GPNMB: variants seen among roughly 807,000 people sequenced by gnomAD.
GPNMB encodes the protein transmembrane glycoprotein NMB.
Under a neutral mutation model 57.3 loss-of-function variants are expected in GPNMB, and 71 were observed. The ratio of observed to expected loss-of-function variants is 1.24; its 90% CI spans 1.02 to 1.51. The LOEUF (loss-of-function observed/expected upper bound fraction) is 1.51. GPNMB is among the 40% of genes most tolerant of loss of function. The probability of loss-of-function intolerance (pLI) is 0.00; values close to 1 mark genes in which losing one functional copy is unlikely to be tolerated. For missense variants in GPNMB, 677 were observed against 691.9 expected (o/e 0.98, Z 0.24); for synonymous variants, 253 against 263.2 (o/e 0.96, Z 0.38).
intron 6 of GPNMB, 105 bp downstream of exon 6, chr7:23,260,878 C>G (rs1782906642): frequency 1.2e-5 from 10 of 835,906 alleles, no homozygotes; most frequent in Non-Finnish European, 1.7e-5. Flanking sequence ...TGTAAGGACT[C>G]TGCGGTGATT....
At chr7:23,273,417 A>G (rs1210732468) in intron 9 of GPNMB, 104 bp from the exon 10 acceptor site, 4 of 731,476 alleles carry the variant, frequency 5.5e-6, no homozygotes, top group African/African-American at 3.5e-5. Flanking sequence ...AGGGAGCCAT[A>G]TATCTTCTGT....
intron 7 of GPNMB, among the ~76,000 whole-genome samples, chr7:23,266,868 G>A (rs958692862): frequency 1.2e-4 from 18 of 152,220 alleles, no homozygotes; most frequent in Non-Finnish European, 2.6e-4. Flanking sequence ...CCTGCCCTGG[G>A]CCTGTATCCC....
At position 23,274,275 on chromosome 7, in the gene GPNMB, G is replaced by A. The variant is rs779790100; in HGVS notation, c.*51G>A. The A allele has an allele frequency of 5.2e-6, 7 of 1,341,448 alleles. No individual in the cohort carries two copies. Among genetic ancestry groups the A allele is most frequent in the Non-Finnish European group, 7.4e-6 (7 of 945,298 alleles). The allele number at this position is 1,341,448 out of a possible 1,614,324, so 83.1% of individuals were successfully genotyped here. A position where few individuals can be genotyped will look rare whatever the true frequency, so the allele number is the denominator to read the frequency against. Reference sequence around the variant, plus strand: ...CTTTTCAGTGCCATTGATGTGAGATGTGCTGGAGTGGCTATTAACCTTTTT... The same window carrying A: ...CTTTTCAGTGCCATTGATGTGAGATATGCTGGAGTGGCTATTAACCTTTTT... On this transcript the variant is annotated 3_prime_UTR_variant, in exon 11 of 11. Transcript: ENST00000258733.
At chr7:23,273,266 A>C (rs975863775) in intron 9 of GPNMB, 7 of 414,924 alleles carry the variant, frequency 1.7e-5, no homozygotes, top group African/African-American at 1.4e-4. Flanking sequence ...CCAAGACCTG[A>C]GCAGGTGTCT....
At chr7:23,262,915 C>T (rs954128228) in intron 6 of GPNMB, among the ~76,000 whole-genome samples, 1 of 151,952 alleles carries the variant, frequency 6.6e-6, no homozygotes, top group African/African-American at 2.4e-5. Flanking sequence ...GCACTGTGCC[C>T]GGCCCACCAT....
intron 1 of GPNMB, among the ~76,000 whole-genome samples, chr7:23,251,300 T>A (rs79160452): frequency 1.8e-3 from 279 of 152,258 alleles, no homozygotes; most frequent in African/African-American, 6.5e-3. Flanking sequence ...ACCCACTCAA[T>A]ACCACACCTC....
At chr7:23,262,890 G>A (rs1261310757) in intron 6 of GPNMB, among the ~76,000 whole-genome samples, 1 of 152,022 alleles carries the variant, frequency 6.6e-6, no homozygotes, top group East Asian at 1.9e-4. Context: ...AAAGTGCTGG[G>A]ATTATAAGCG....
intron 4 of GPNMB, among the ~76,000 whole-genome samples, chr7:23,258,910 C>T (rs1241002094): frequency 1.3e-5 from 2 of 152,228 alleles, no homozygotes; most frequent in Non-Finnish European, 2.9e-5. Flanking sequence ...AGCATGCAAC[C>T]TAAGATACCC....
rs1783287770 is a variant in GPNMB, at chr7:23,274,429, T to A, written c.*205T>A. The stretch of plus-strand genomic sequence containing the variant: ...AGCTTCAGCCATGTTGTGAAACTGA[T>A]AAAAGCAACTTAGCAAGGCTTCTTT... On this transcript the variant is annotated 3_prime_UTR_variant, in exon 11 of 11. Transcript: ENST00000258733. The A allele has an allele frequency of 4.3e-6, 2 of 469,192 alleles. No homozygotes were observed. The highest frequency in any genetic ancestry group is 7.1e-5 in the South Asian group (2 of 28,320). 29.1% of individuals were successfully genotyped at this position (469,192 alleles called of 1,614,324 possible). A position where few individuals can be genotyped will look rare whatever the true frequency, so the allele number is the denominator to read the frequency against.
intron 4 of GPNMB, among the ~76,000 whole-genome samples, chr7:23,259,721 G>A (rs928914601): frequency 3.9e-5 from 6 of 152,084 alleles, no homozygotes; most frequent in Admixed American, 2.6e-4. Context: ...TAAACTAAGG[G>A]CTAACTGTTT....
At chr7:23,259,046 G>T (rs993324601) in intron 4 of GPNMB, among the ~76,000 whole-genome samples, 5 of 152,182 alleles carry the variant, frequency 3.3e-5, no homozygotes, top group Non-Finnish European at 5.9e-5. Flanking sequence ...TGAAGGAGAG[G>T]AATTACTTCC....
Position 23,273,523 on chromosome 7 carries a change from C to A in GPNMB, c.1432C>A (p.Pro478Thr). The A allele has an allele frequency of 6.2e-7, 1 of 1,610,010 alleles. No individual in the cohort carries two copies. The highest frequency in any genetic ancestry group is 8.5e-7 in the Non-Finnish European group (1 of 1,176,388). Residue 478 changes from proline (P) to threonine (T), a missense_variant and splice_region_variant, in exon 10 of 11, where the codon CCA (proline) becomes ACA (threonine). Coordinates refer to ENST00000258733, the MANE Select transcript of GPNMB (RefSeq NM_002510.3). ...STLISVPDRD[P>T]ASPLRMANSA... is the part of the protein sequence containing the mutation. ...CATGCTCTTGCTTCTGTTTTAAGAC[C>A]CAGCCTCGCCTTTAAGGATGGCAAA... is the stretch of plus-strand genomic sequence containing the variant.
In GPNMB at chr7:23,274,130, G is replaced by C; in HGVS notation, c.1589G>C (p.Ser530Thr). The change falls in exon 11 of 11, where the codon AGT becomes ACT. Residue 530 changes from serine to threonine, a missense_variant. Transcript: ENST00000258733. ...PGNVVRSKGL[S>T]VFLNRAKAVF... ...AATGTGGTCAGAAGCAAAGGCCTGAGTGTCTTTCTCAACCGTGCAAAAGCC... is the reference window on the plus strand; with the variant it reads ...AATGTGGTCAGAAGCAAAGGCCTGACTGTCTTTCTCAACCGTGCAAAAGCC... 6.2e-7 allele frequency: 1 copy of C among 1,613,318 alleles called. No individual in the cohort carries two copies. The highest frequency in any genetic ancestry group is 8.5e-7 in the Non-Finnish European group (1 of 1,179,274).
chr7:23,259,701 C>T (rs1326717187), intron 4 of GPNMB, among the ~76,000 whole-genome samples: 1 of 152,152 alleles, frequency 6.6e-6, no homozygotes, highest in Non-Finnish European at 1.5e-5. Flanking sequence ...GCACAAACAG[C>T]ATTTATTTGT....
At chr7:23,270,639 C>T (rs1200612259) in intron 9 of GPNMB, among the ~76,000 whole-genome samples, 1 of 152,174 alleles carries the variant, frequency 6.6e-6, no homozygotes, top group East Asian at 1.9e-4. Context: ...TCCTTGGTCC[C>T]TTCTAACTTA....
rs143466208 is a variant in GPNMB, at chr7:23,271,812, C to CAA, written c.1429+1644_1429+1645dup. 2.0e-5 allele frequency among the ~76,000 whole-genome samples: 3 copies of CAA among 150,178 alleles called. No homozygotes were observed. The East Asian group carries it at 5.8e-4, about 29-fold the overall frequency. On this transcript the variant is annotated intron_variant, in intron 9 of 10. Transcript: ENST00000258733. ...CTCCATCTCAAACAAACAAACACAACAAAAAAAACTAAAAAAAAAATTTTC... is the reference window on the plus strand; with the variant it reads ...CTCCATCTCAAACAAACAAACACAACAAAAAAAAAACTAAAAAAAAAATTTTC...
chr7:23,273,456 G>T, intron 9 of GPNMB, 65 bp from the exon 10 acceptor site: 1 of 979,902 alleles, frequency 1.0e-6, no homozygotes, highest in Non-Finnish European at 1.6e-6. Flanking sequence ...TTATTTAATG[G>T]CATTATAAGC....
In GPNMB at chr7:23,269,941, G is replaced by A. The variant is rs147284492; in HGVS notation, c.1221-26G>A. On this transcript the variant is annotated intron_variant, in intron 8 of 10. Coordinates refer to ENST00000258733, the MANE Select transcript of GPNMB (RefSeq NM_002510.3). Reference sequence around the variant, plus strand: ...CTCTCCCCTTCTCTGTGCCCTGTGCGCCCTCGCCCACCTCCCCTGTCGCAG... The same window carrying A: ...CTCTCCCCTTCTCTGTGCCCTGTGCACCCTCGCCCACCTCCCCTGTCGCAG... 2,198 of 1,564,230 alleles carry A rather than the reference G, an allele frequency of 1.4e-3. 23 individuals are homozygous for A. In the East Asian group the frequency reaches 0.022, roughly 16 times the overall value.
rs140166326 is a variant in GPNMB, at chr7:23,255,079, C to T, written c.367+767C>T. On this transcript the variant is annotated intron_variant, in intron 3 of 10. Coordinates refer to ENST00000258733, the MANE Select transcript of GPNMB (RefSeq NM_002510.3). The stretch of plus-strand genomic sequence containing the variant: ...TGTCACCCAGGCTGGAGTGCAATGG[C>T]GCGATCTTGGTTCACTGCAGTCTTT... 8.2e-3 allele frequency among the ~76,000 whole-genome samples: 1,251 copies of T among 152,248 alleles called. 15 individuals carry two copies. Among genetic ancestry groups the T allele is most frequent in the African/African-American group, 0.029 (1,192 of 41,560 alleles).
Sources: gnomAD v4.1 joint callset for allele counts (sites outside exome capture counted in the v4.1 genomes callset) on GRCh38, gnomAD v4.1.1 for gene constraint, MANE v1.5 for transcripts, NCBI Gene and HGNC (gene_info 2026-07-23, HGNC 2026-07-21) for gene names.